Variants in CRB1 observed in about 807,000 individuals in gnomAD.
CRB1 encodes crumbs cell polarity complex component 1.
Under a neutral mutation model 120.0 loss-of-function variants are expected in CRB1, and 83 were observed. That is an observed-to-expected ratio of 0.69 (90% CI 0.58 to 0.83). The LOEUF (loss-of-function observed/expected upper bound fraction) is 0.83. CRB1 is among the 40% of genes least tolerant of loss of function. The pLI is 0.00. For synonymous variants in CRB1, 625 were observed against 612.5 expected (o/e 1.02, Z -0.30); for missense variants, 1,699 against 1,687.6 (o/e 1.01, Z -0.12).
intron 4 of CRB1, among the ~76,000 whole-genome samples, chr1:197,352,357 T>C (rs1296528398): frequency 6.6e-6 from 1 of 152,122 alleles, no homozygotes; most frequent in Non-Finnish European, 1.5e-5. Context: ...TGGAATGAGA[T>C]AATGCATGAG....
At chr1:197,419,899 C>G (rs546922128) in intron 5 of CRB1, among the ~76,000 whole-genome samples, 2 of 149,950 alleles carry the variant, frequency 1.3e-5, no homozygotes, top group African/African-American at 4.9e-5. Flanking sequence ...GGTGTAAACC[C>G]GGGAGGCAGA....
chr1:197,253,253 T>C, the CRB1 span, among the ~76,000 whole-genome samples: 1 of 152,186 alleles, frequency 6.6e-6, no homozygotes, highest in Non-Finnish European at 1.5e-5. Flanking sequence ...TTTTTTCCCC[T>C]GGGCCTTGAA....
At chr1:197,230,307 T>A in the CRB1 span, among the ~76,000 whole-genome samples, 99 of 152,346 alleles carry the variant, frequency 6.5e-4, no homozygotes, top group Non-Finnish European at 1.2e-3. Flanking sequence ...TATTTTTTGA[T>A]CTGTACTATC....
intron 5 of CRB1, among the ~76,000 whole-genome samples, chr1:197,396,643 A>C (rs947706701): frequency 6.6e-6 from 1 of 152,174 alleles, no homozygotes; most frequent in Non-Finnish European, 1.5e-5. Flanking sequence ...ACAATAAAGA[A>C]TGCAGAAATA....
chr1:197,356,438 G>T lies in CRB1; in HGVS notation c.989-393G>T, dbSNP rs575874383. 6.6e-5 allele frequency among the ~76,000 whole-genome samples: 10 copies of T among 152,270 alleles called. No individual in the cohort carries two copies. The South Asian group carries it at 1.5e-3, about 22-fold the overall frequency. Reference sequence around the variant, plus strand: ...TTTACCTTTACTTTGAGTTTTAAGAGAATTTAGTTTGGTTTTGTGGATATT... The same window carrying T: ...TTTACCTTTACTTTGAGTTTTAAGATAATTTAGTTTGGTTTTGTGGATATT... On this transcript the variant is annotated intron_variant, in intron 4 of 11. Transcript: ENST00000367400.
At chr1:197,231,497 A>G in the CRB1 span, among the ~76,000 whole-genome samples, 1 of 151,976 alleles carries the variant, frequency 6.6e-6, no homozygotes, top group Non-Finnish European at 1.5e-5. Flanking sequence ...ACAGGGGAAC[A>G]CTCTCCCATG....
At chr1:197,311,935 A>G (rs16841318) in intron 1 of CRB1, among the ~76,000 whole-genome samples, 12,288 of 152,118 alleles carry the variant, frequency 0.081, 1,703 homozygotes, top group African/African-American at 0.28. Context: ...TGAGTGATAT[A>G]TCTTTCTTTG....
chr1:197,429,757 A>G lies in CRB1; in HGVS notation c.2842+143A>G, dbSNP rs1298280270. The G allele has an allele frequency of 4.7e-6, 4 of 859,852 alleles. No individual in the cohort carries two copies. In the African/African-American group the frequency reaches 6.7e-5, roughly 14 times the overall value. The allele number at this position is 859,852 out of a possible 1,614,324, so 53.3% of individuals were successfully genotyped here. ...GTTTCCCCTATGCGAGTAGGCTAAT[A>G]CTGACTGGCCTCTTGCCTCATCCTG... On this transcript the variant is annotated intron_variant, in intron 8 of 11. Coordinates refer to ENST00000367400, the MANE Select transcript of CRB1 (RefSeq NM_201253.3).
At chr1:197,393,180 G>GC (rs765232759) in intron 5 of CRB1, among the ~76,000 whole-genome samples, 51 of 151,972 alleles carry the variant, frequency 3.4e-4, no homozygotes, top group Non-Finnish European at 6.5e-4. Context: ...TGCAAAAGAG[G>GC]CACAGCAATG....
chr1:197,212,202 T>C, the CRB1 span, among the ~76,000 whole-genome samples: 1 of 152,158 alleles, frequency 6.6e-6, no homozygotes, highest in Non-Finnish European at 1.5e-5. Context: ...TATAGCACTT[T>C]GGAAAATAGT....
the CRB1 span, among the ~76,000 whole-genome samples, chr1:197,237,873 T>C: frequency 5.9e-5 from 9 of 152,156 alleles, no homozygotes; most frequent in Non-Finnish European, 1.0e-4. Context: ...TATTATTTTC[T>C]TCTTTCTGAT....
chr1:197,313,851 A>G (rs1253047155), intron 1 of CRB1, among the ~76,000 whole-genome samples: 1 of 152,210 alleles, frequency 6.6e-6, no homozygotes, highest in Non-Finnish European at 1.5e-5. Context: ...TTGATTCCAT[A>G]TCTCGCCTAT....
chr1:197,225,531 C>G, the CRB1 span, among the ~76,000 whole-genome samples: 3 of 152,200 alleles, frequency 2.0e-5, no homozygotes, highest in African/African-American at 7.2e-5. Flanking sequence ...GCCTCCCTCT[C>G]AGATATTAAT....
chr1:197,435,244 A>C lies in CRB1; in HGVS notation c.3381A>C (p.Lys1127Asn). The C allele has an allele frequency of 6.2e-7, 1 of 1,613,868 alleles. No homozygotes were observed. Residue 1127 changes from lysine to asparagine, a missense_variant, in exon 9 of 12, where the codon AAA becomes AAC. Coordinates refer to ENST00000367400, the MANE Select transcript of CRB1 (RefSeq NM_201253.3). ...AACCTCAGGAAGAGCAATTTCTCAA[A>C]ATCTCTACCAATTCAGTGGTCACTG... ...INKPQEEQFLKISTNSVVTGC... is the reference protein window; with the variant it reads ...INKPQEEQFLNISTNSVVTGC...
At chr1:197,298,455 C>G (rs565005195) in intron 1 of CRB1, among the ~76,000 whole-genome samples, 1 of 151,936 alleles carries the variant, frequency 6.6e-6, no homozygotes, top group African/African-American at 2.4e-5. Flanking sequence ...ATGCTTCAGG[C>G]GAGAGGAACC....
At chr1:197,261,326 A>T in the CRB1 span, among the ~76,000 whole-genome samples, 1 of 152,244 alleles carries the variant, frequency 6.6e-6, no homozygotes, top group African/African-American at 2.4e-5. Flanking sequence ...TTTATTAATC[A>T]TTGTTTGCAT....
intron 4 of CRB1, 44 bp from the exon 5 acceptor site, chr1:197,356,787 C>T: frequency 2.5e-6 from 4 of 1,603,310 alleles, no homozygotes; most frequent in Non-Finnish European, 3.4e-6. Context: ...CTCTATAATT[C>T]AACACCTTTG....
intron 1 of CRB1, among the ~76,000 whole-genome samples, chr1:197,327,113 A>C (rs200223545): frequency 0.41 from 56,847 of 137,630 alleles, 14,443 homozygotes; most frequent in East Asian, 0.85. Context: ...AAAAAAAAAA[A>C]AAAAAAAAAA....
At chr1:197,347,748 T>C (rs16841362) in intron 4 of CRB1, among the ~76,000 whole-genome samples, 3,286 of 152,306 alleles carry the variant, frequency 0.022, 93 homozygotes, top group African/African-American at 0.057. Context: ...TTCAGCATGA[T>C]CTTCATGGAG....
Sources: allele counts gnomAD v4.1 joint callset (sites outside exome capture counted in the v4.1 genomes callset), GRCh38; gene constraint gnomAD v4.1.1; transcripts MANE v1.5; gene names NCBI Gene and HGNC (gene_info 2026-07-23, HGNC 2026-07-21).